The following PRKCB variants were observed in gnomAD, a reference collection of about 807,000 sequenced individuals.
The protein encoded by PRKCB is protein kinase C beta.
PRKCB carries 13 observed loss-of-function variants against 81.5 expected under a neutral mutation model. The ratio of observed to expected loss-of-function variants is 0.16; its 90% CI spans 0.10 to 0.25. The LOEUF (loss-of-function observed/expected upper bound fraction) is 0.25. Ranked by LOEUF, PRKCB falls within the 10% of genes least tolerant of loss-of-function variation. The pLI is 1.00. For synonymous variants in PRKCB, 335 were observed against 321.4 expected, an observed-to-expected ratio of 1.04 and a Z score of -0.45; for missense variants, 509 against 875.7, an observed-to-expected ratio of 0.58 and a Z score of 5.29.
chr16:24,219,846 A>C lies in PRKCB; in HGVS notation c.*5030A>C. 6 of 1,432,918 alleles carry C rather than the reference A, an allele frequency of 4.2e-6. No homozygotes were observed. In the South Asian group the frequency reaches 9.5e-5, roughly 23 times the overall value. The allele number at this position is 1,432,918 out of a possible 1,614,324, so 88.8% of individuals were successfully genotyped here. On this transcript the variant is annotated 3_prime_UTR_variant, in exon 17 of 17. Transcript: ENST00000643927. ...TGCAGCTGCTAAAAATTTTCAGCAC[A>C]GGGCTCTTTCTGACTCTGCTCATGA... is the stretch of plus-strand genomic sequence containing the variant.
intron 5 of PRKCB, among the ~76,000 whole-genome samples, chr16:24,040,193 T>G (rs1357126433): frequency 6.6e-6 from 1 of 152,146 alleles, no homozygotes; most frequent in Non-Finnish European, 1.5e-5. Flanking sequence ...ATCTGATCAG[T>G]TCTCCTCCTT....
At chr16:24,116,213 TGTTGAAAGAAACAAA>T (rs1966735914) in intron 8 of PRKCB, among the ~76,000 whole-genome samples, 1 of 152,078 alleles carries the variant, frequency 6.6e-6, no homozygotes, top group African/African-American at 2.4e-5. Context: ...CAAGTTTGTT[TGTTGAAAGAAACAAA>T]CTATCAAGTT....
At chr16:24,180,963 G>C (rs1236160753) in intron 13 of PRKCB, 35 bp downstream of exon 13, 1 of 1,608,468 alleles carries the variant, frequency 6.2e-7, no homozygotes. Flanking sequence ...ACATTGCGGT[G>C]ATGTACCCTC....
chr16:24,086,397 G>T (rs1403421823), intron 5 of PRKCB, among the ~76,000 whole-genome samples: 1 of 152,164 alleles, frequency 6.6e-6, no homozygotes, highest in Non-Finnish European at 1.5e-5. Flanking sequence ...GACCTGTTTA[G>T]TCTCTCCCTC....
intron 8 of PRKCB, among the ~76,000 whole-genome samples, chr16:24,123,137 G>A (rs1038754520): frequency 6.6e-6 from 1 of 152,224 alleles, no homozygotes; most frequent in Non-Finnish European, 1.5e-5. Flanking sequence ...AAGAAAATCA[G>A]AGGAGAACCT....
At chr16:24,070,978 T>A (rs1240403756) in intron 5 of PRKCB, among the ~76,000 whole-genome samples, 1 of 152,222 alleles carries the variant, frequency 6.6e-6, no homozygotes, top group East Asian at 1.9e-4. Context: ...GCCTTATAGA[T>A]CTAACTAGAA....
Position 24,142,318 on chromosome 16 carries a change from A to G in PRKCB, c.1066-12366A>G, listed in dbSNP as rs1966912553. ...TTCTTACATGGCAGAGATGGTCAGGATACCTGCCACGTGGTAAAGACGTGG... is the reference window on the plus strand; with the variant it reads ...TTCTTACATGGCAGAGATGGTCAGGGTACCTGCCACGTGGTAAAGACGTGG... On this transcript the variant is annotated intron_variant, in intron 9 of 16. Coordinates refer to ENST00000643927, the MANE Select transcript of PRKCB (RefSeq NM_002738.7). Among the ~76,000 whole-genome samples, 2 of 152,216 alleles carry G rather than the reference A, an allele frequency of 1.3e-5. 1 individual carries two copies. The highest frequency in any genetic ancestry group is 1.3e-4 in the Admixed American group (2 of 15,284).
At chr16:24,024,055 A>G (rs1965443443) in intron 3 of PRKCB, among the ~76,000 whole-genome samples, 1 of 152,236 alleles carries the variant, frequency 6.6e-6, no homozygotes, top group Non-Finnish European at 1.5e-5. Flanking sequence ...CCAGAACCCC[A>G]GGGACCAGAA....
At chr16:24,192,694 A>G (rs940233002) in intron 16 of PRKCB, among the ~76,000 whole-genome samples, 6 of 152,204 alleles carry the variant, frequency 3.9e-5, no homozygotes, top group African/African-American at 9.7e-5. Context: ...TGTGCTGTCT[A>G]TCAGTATGCA....
chr16:24,186,170 T>C (rs1431881315), intron 15 of PRKCB, among the ~76,000 whole-genome samples: 3 of 152,042 alleles, frequency 2.0e-5, no homozygotes, highest in East Asian at 3.9e-4. Flanking sequence ...GCAGGATGTG[T>C]GTTTATGGGG....
At chr16:23,853,404 A>G (rs1962506817) in intron 2 of PRKCB, among the ~76,000 whole-genome samples, 1 of 152,192 alleles carries the variant, frequency 6.6e-6, no homozygotes, top group Admixed American at 6.5e-5. Context: ...TTTCACAACA[A>G]CTTCAGCTGG....
At chr16:23,977,899 C>T (rs1377448869) in intron 2 of PRKCB, among the ~76,000 whole-genome samples, 1 of 151,958 alleles carries the variant, frequency 6.6e-6, no homozygotes, top group African/African-American at 2.4e-5. Context: ...GAGTGGTTTC[C>T]GAGTGTGGGA....
chr16:24,055,665 A>C (rs1297405283), intron 5 of PRKCB, among the ~76,000 whole-genome samples: 3 of 152,230 alleles, frequency 2.0e-5, no homozygotes, highest in African/African-American at 7.2e-5. Flanking sequence ...AAATTGGGGA[A>C]AGAAAAGTGA....
intron 2 of PRKCB, among the ~76,000 whole-genome samples, chr16:23,914,626 G>A (rs893507209): frequency 6.6e-6 from 1 of 152,134 alleles, no homozygotes; most frequent in East Asian, 1.9e-4. Context: ...GGATGACATA[G>A]CACCCACCTC....
intron 9 of PRKCB, among the ~76,000 whole-genome samples, chr16:24,135,610 GC>G (rs1966862318): frequency 6.6e-6 from 1 of 152,042 alleles, no homozygotes; most frequent in Non-Finnish European, 1.5e-5. Context: ...ACCACACCTG[GC>G]CTCACAGCAT....
intron 2 of PRKCB, among the ~76,000 whole-genome samples, chr16:23,932,063 G>A (rs906910505): frequency 2.2e-4 from 34 of 152,202 alleles, no homozygotes; most frequent in African/African-American, 8.2e-4. Context: ...AAATTTACAG[G>A]AAATACAGAG....
At chr16:23,988,995 C>G (rs920620123) in intron 3 of PRKCB, among the ~76,000 whole-genome samples, 1 of 152,116 alleles carries the variant, frequency 6.6e-6, no homozygotes, top group African/African-American at 2.4e-5. Flanking sequence ...GAGTCTTGCT[C>G]TATCGCCCAG....
chr16:23,920,242 A>G (rs1406116906), intron 2 of PRKCB, among the ~76,000 whole-genome samples: 3 of 152,172 alleles, frequency 2.0e-5, no homozygotes, highest in East Asian at 1.9e-4. Flanking sequence ...CATTTTGCTA[A>G]TGAGTGATGC....
rs569270454 is a variant in PRKCB at position 23,965,456 on chromosome 16, G to A, written c.206-23052G>A. On this transcript the variant is annotated intron_variant, in intron 2 of 16. Coordinates refer to ENST00000643927, the MANE Select transcript of PRKCB (RefSeq NM_002738.7). ...TGCATCACTTACTCTTGAATCTGGA[G>A]CAGTGCCTAGCACATAATAGACATT... Among the ~76,000 whole-genome samples the A allele has an allele frequency of 9.8e-5, 15 of 152,298 alleles. No homozygotes were observed. In the South Asian group the frequency reaches 1.7e-3, roughly 17 times the overall value.
Sources: gnomAD v4.1 joint callset for allele counts (sites outside exome capture counted in the v4.1 genomes callset) on GRCh38, gnomAD v4.1.1 for gene constraint, MANE v1.5 for transcripts, NCBI Gene and HGNC (gene_info 2026-07-23, HGNC 2026-07-21) for gene names.